Variants in SPTBN2 observed in about 807,000 individuals in gnomAD.
SPTBN2 encodes the protein spectrin beta, non-erythrocytic 2, also known as spectrin beta chain, non-erythrocytic 2.
SPTBN2 carries 107 observed loss-of-function variants against 284.2 expected under a neutral mutation model. That is an observed-to-expected ratio of 0.38 (90% CI 0.32 to 0.44). SPTBN2 has a LOEUF of 0.44. Among genes scored for constraint, SPTBN2 ranks in the 20% least tolerant of loss-of-function variants. The pLI is 1.00. For synonymous variants in SPTBN2, 1,289 were observed against 1,354.8 expected, an observed-to-expected ratio of 0.95 and a Z score of 1.07; for missense variants, 2,569 against 3,287.1, an observed-to-expected ratio of 0.78 and a Z score of 5.34.
upstream of SPTBN2, among the ~76,000 whole-genome samples, chr11:66,733,963 C>T (rs777360634): frequency 9.3e-5 from 12 of 129,364 alleles, no homozygotes; most frequent in Non-Finnish European, 1.7e-4. Flanking sequence ...CTGGCCTGGG[C>T]GACAGAGAGA....
Position 66,700,767 on chromosome 11 carries a change from CG to C in SPTBN2, c.3331del (p.Arg1111GlyfsTer21). 6.2e-7 allele frequency: 1 copy of C among 1,602,112 alleles called. No individual in the cohort carries two copies. On this transcript the variant is annotated frameshift_variant, in exon 17 of 38. Coordinates refer to ENST00000533211, the MANE Select transcript of SPTBN2 (RefSeq NM_006946.4). LOFTEE classifies it high-confidence loss of function. The surrounding 1 kb of genome is among the most constrained non-coding windows in gnomAD (Gnocchi z 6.6). ...GCTCTGGGCCCGCTCCACCTCTCCCCGCAGGGCTGCATGTTGGGCCAGGAGG... is the reference window on the plus strand; with the variant it reads ...GCTCTGGGCCCGCTCCACCTCTCCCCCAGGGCTGCATGTTGGGCCAGGAGG... ...EALLAQHAAL[R>X]GEVERAQSEY...
chr11:66,714,042 A>C, intron 7 of SPTBN2, 49 bp downstream of exon 7: 1 of 1,593,340 alleles, frequency 6.3e-7, no homozygotes, highest in South Asian at 1.1e-5. Flanking sequence ...ACCCCAGGTC[A>C]TTAGCCGACC....
Position 66,683,926 on chromosome 11 carries a change from A to G in SPTBN2, c.*1945T>C, listed in dbSNP as rs536550519. On this transcript the variant is annotated 3_prime_UTR_variant, in exon 38 of 38. Coordinates refer to ENST00000533211, the MANE Select transcript of SPTBN2 (RefSeq NM_006946.4). ...CTGTGTAGTGCTGATGGATTCTTCCACTTAGTCCCATGACAGATTGTTCTA... is the reference window on the plus strand; with the variant it reads ...CTGTGTAGTGCTGATGGATTCTTCCGCTTAGTCCCATGACAGATTGTTCTA... Among the ~76,000 whole-genome samples, 2 of 152,308 alleles carry G rather than the reference A, an allele frequency of 1.3e-5. No individual in the cohort carries two copies. The highest frequency in any genetic ancestry group is 4.8e-5 in the African/African-American group (2 of 41,582).
Position 66,701,263 on chromosome 11 carries a change from G to C in SPTBN2, c.2836C>G (p.Leu946Val). 6.2e-7 allele frequency: 1 copy of C among 1,612,660 alleles called. No homozygotes were observed. The highest frequency in any genetic ancestry group is 8.5e-7 in the Non-Finnish European group (1 of 1,180,024). Residue 946 changes from leucine (L) to valine (V), a missense_variant, in exon 17 of 38, where the codon CTG becomes GTG. Physicochemically the swap from Leu to Val is conservative, Grantham distance 32 (BLOSUM62 1). This residue lies in a region of SPTBN2 where 1,012 missense variants were observed against 1,248.9 expected (regional missense o/e 0.81). Coordinates refer to ENST00000533211, the MANE Select transcript of SPTBN2 (RefSeq NM_006946.4). ...AGAGCTGCCTTCTTGCCGTCTGCCAGACGCCGAAACTGCTGCCACCTGAGA... is the reference window on the plus strand; with the variant it reads ...AGAGCTGCCTTCTTGCCGTCTGCCACACGCCGAAACTGCTGCCACCTGAGA... ...LNHRWQQFRR[L>V]ADGKKAALTS...
At position 66,705,052 on chromosome 11, in the gene SPTBN2, G is replaced by C; in HGVS notation, c.2224C>G (p.Arg742Gly). Residue 742 changes from arginine (R) to glycine (G), a missense_variant, in exon 15 of 38, where the codon CGG (arginine) becomes GGG (glycine). Physicochemically the swap from Arg to Gly is moderately radical, Grantham distance 125. Coordinates refer to ENST00000533211, the MANE Select transcript of SPTBN2 (RefSeq NM_006946.4). ...TAGAGGCTGGCGGCTTGGGCCAGCC[G>C]CTGGGCACGCTCCTCGGCCAGGGCC... is the stretch of plus-strand genomic sequence containing the variant. ...LEALAEERAQRLAQAASLYQF... is the reference protein window; with the variant it reads ...LEALAEERAQGLAQAASLYQF... 6.3e-7 allele frequency: 1 copy of C among 1,596,420 alleles called. No individual in the cohort carries two copies. Among genetic ancestry groups the C allele is most frequent in the Non-Finnish European group, 8.5e-7 (1 of 1,178,222 alleles).
chr11:66,688,453 A>C, intron 31 of SPTBN2, 142 bp from the exon 32 acceptor site: 1 of 1,525,106 alleles, frequency 6.6e-7, no homozygotes, highest in Non-Finnish European at 8.8e-7. Context: ...TGGGGACAAG[A>C]AACAAAGCGG....
chr11:66,687,845 A>G lies in SPTBN2; in HGVS notation c.6501+23T>C. On this transcript the variant is annotated intron_variant, in intron 34 of 37. Transcript: ENST00000533211. This position sits in a 1 kb window ranked among gnomAD's most constrained non-coding sequence, Gnocchi z 5.2. ...GACCCTTCGCCTCACAGTTATCAAC[A>G]CCACACTTGCAGGGGAACTCACCGG... 1.2e-6 allele frequency: 2 copies of G among 1,613,774 alleles called. No individual in the cohort carries two copies. Among genetic ancestry groups the G allele is most frequent in the Non-Finnish European group, 1.7e-6 (2 of 1,179,906 alleles).
Position 66,738,209 on chromosome 11 carries a change from CG to C in SPTBN2, c.-475+6332del, listed in dbSNP as rs369842093. On this transcript the variant is annotated intron_variant, in intron 1 of 37. Transcript: ENST00000611817. Reference sequence around the variant, plus strand: ...CAGCTTGGGCAATAAGAGCAAAACTCGGTCTCAAAAAAACAAACAAACAAAA... The same window carrying C: ...CAGCTTGGGCAATAAGAGCAAAACTCGTCTCAAAAAAACAAACAAACAAAA... 8.1e-4 allele frequency among the ~76,000 whole-genome samples: 123 copies of C among 151,846 alleles called. 3 individuals carry two copies. The East Asian group carries it at 0.021, about 26-fold the overall frequency.
Position 66,693,633 on chromosome 11 carries a change from C to T in SPTBN2, c.4593+139G>A, listed in dbSNP as rs1310158823. The T allele has an allele frequency of 2.3e-6, 3 of 1,296,040 alleles. No individual in the cohort carries two copies. The highest frequency in any genetic ancestry group is 3.2e-6 in the Non-Finnish European group (3 of 928,386). 80.3% of individuals were successfully genotyped at this position (1,296,040 alleles called of 1,614,324 possible). Reference sequence around the variant, plus strand: ...ACTATCTCCTACTGAGAGGACCCACCCTCCCAAGGTGAGGAAAGACAGCCA... The same window carrying T: ...ACTATCTCCTACTGAGAGGACCCACTCTCCCAAGGTGAGGAAAGACAGCCA... On this transcript the variant is annotated intron_variant, in intron 23 of 37. Coordinates refer to ENST00000533211, the MANE Select transcript of SPTBN2 (RefSeq NM_006946.4). This position sits in a 1 kb window ranked among gnomAD's most constrained non-coding sequence, Gnocchi z 5.7.
At chr11:66,692,840 C>T (rs952276207) in intron 25 of SPTBN2, 100 bp from the exon 26 acceptor site, 10 of 1,594,686 alleles carry the variant, frequency 6.3e-6, no homozygotes, top group African/African-American at 4.0e-5. Flanking sequence ...CCCAACAGCT[C>T]GCCCACCCTG....
chr11:66,688,014 T>C lies in SPTBN2; in HGVS notation c.6440A>G (p.Glu2147Gly). ...GGACAGTGGGGTCACCTGTGAGGGC[T>C]CTCCATCTGTGCAGACTCCATTAAC... ...PSVNGVCTDG[E>G]PSQPLLGQQR... Residue 2147 changes from glutamate to glycine, a missense_variant, in exon 33 of 38, where the codon GAG becomes GGG. Physicochemically the swap from Glu to Gly is moderately conservative, Grantham distance 98. This residue lies in a region of SPTBN2 where 1,130 missense variants were observed against 1,317.3 expected (regional missense o/e 0.86). Transcript: ENST00000533211. 6.2e-7 allele frequency: 1 copy of C among 1,614,186 alleles called. No homozygotes were observed. The highest frequency in any genetic ancestry group is 8.5e-7 in the Non-Finnish European group (1 of 1,180,032).
intron 1 of SPTBN2, among the ~76,000 whole-genome samples, chr11:66,727,215 C>T (rs1942649031): frequency 6.6e-6 from 1 of 152,176 alleles, no homozygotes; most frequent in Non-Finnish European, 1.5e-5. Context: ...GAGGTTGCCC[C>T]ACACCTCAAG....
Position 66,691,314 on chromosome 11 carries a change from G to A in SPTBN2, c.5535C>T (p.Tyr1845=), listed in dbSNP as rs754478833. 11 of 1,545,080 alleles carry A rather than the reference G, an allele frequency of 7.1e-6. No individual in the cohort carries two copies. Among genetic ancestry groups the A allele is most frequent in the African/African-American group, 1.4e-5 (1 of 73,630 alleles). The change falls in exon 27 of 38, where the codon TAC becomes TAT. Residue 1845 remains tyrosine (Y), a synonymous_variant. Coordinates refer to ENST00000533211, the MANE Select transcript of SPTBN2 (RefSeq NM_006946.4). This position sits in a 1 kb window ranked among gnomAD's most constrained non-coding sequence, Gnocchi z 8.0. Reference sequence around the variant, plus strand: ...GGCTGAGGGCCTGAATGTCATGCTCGTAGGCACAGTGTCGGCGCTGCAGGG... The same window carrying A: ...GGCTGAGGGCCTGAATGTCATGCTCATAGGCACAGTGTCGGCGCTGCAGGG... ...AEALQRRHCA[Y]EHDIQALSPQ...
Position 66,685,813 on chromosome 11 carries a change from C to T in SPTBN2, c.*58G>A, listed in dbSNP as rs1940066828. On this transcript the variant is annotated 3_prime_UTR_variant, in exon 38 of 38. Transcript: ENST00000533211. The surrounding 1 kb of genome is among the most constrained non-coding windows in gnomAD (Gnocchi z 4.4). ...CTGACAAGAGGGCGGTCCCTGTCGA[C>T]TGTCCCTGGCAGTTTCCTGAACGGA... The T allele has an allele frequency of 1.9e-6, 3 of 1,549,840 alleles. No individual in the cohort carries two copies. The highest frequency in any genetic ancestry group is 2.2e-5 in the South Asian group (2 of 89,282).
At chr11:66,689,685 TGAGGG>T in intron 29 of SPTBN2, 115 bp downstream of exon 29, 1 of 1,475,614 alleles carries the variant, frequency 6.8e-7, no homozygotes, top group Non-Finnish European at 9.4e-7. Context: ...TGAATGGCAC[TGAGGG>T]GAGAGAATGA....
upstream of SPTBN2, among the ~76,000 whole-genome samples, chr11:66,732,981 C>CAAAA (rs57325257): frequency 8.4e-6 from 1 of 118,820 alleles, no homozygotes; most frequent in Non-Finnish European, 1.8e-5. Context: ...ACCAACCAAC[C>CAAAA]AAAAAAAAAA....
chr11:66,728,235 C>T (rs1942703150), intron 1 of SPTBN2: 1 of 145,584 alleles, frequency 6.9e-6, no homozygotes, highest in Admixed American at 6.8e-5. Context: ...GCGCCTGCAG[C>T]CCGGCCGCGA....
Position 66,700,568 on chromosome 11 carries a change from G to T in SPTBN2, c.3531C>A (p.Phe1177Leu). 6.2e-7 allele frequency: 1 copy of T among 1,607,118 alleles called. No individual in the cohort carries two copies. The highest frequency in any genetic ancestry group is 8.5e-7 in the Non-Finnish European group (1 of 1,180,002). The change falls in exon 17 of 38, where the codon TTC (phenylalanine) becomes TTA (leucine). Residue 1177 changes from phenylalanine (F) to leucine (L), a missense_variant. Phe to Leu is a conservative substitution (Grantham distance 22). Coordinates refer to ENST00000533211, the MANE Select transcript of SPTBN2 (RefSeq NM_006946.4). This position sits in a 1 kb window ranked among gnomAD's most constrained non-coding sequence, Gnocchi z 6.6. ...RLAQAHGFQG[F>L]LRDARQAEGV... ...CCTCAGCCTGACGAGCATCCCGCAGGAATCCCTGGAAGCCGTGGGCCTGGG... is the reference window on the plus strand; with the variant it reads ...CCTCAGCCTGACGAGCATCCCGCAGTAATCCCTGGAAGCCGTGGGCCTGGG...
Position 66,705,522 on chromosome 11 carries a change from C to T in SPTBN2, c.1808-54G>A, listed in dbSNP as rs182368209. 135 of 1,610,590 alleles carry T rather than the reference C, an allele frequency of 8.4e-5. 1 individual carries two copies. The East Asian group carries it at 9.4e-4, about 11-fold the overall frequency. ...CCTTAACCCAGCCCTCCGGCTGCTC[C>T]CTGCCACCACACTCTCTTGGACTTC... On this transcript the variant is annotated intron_variant, in intron 14 of 37. Coordinates refer to ENST00000533211, the MANE Select transcript of SPTBN2 (RefSeq NM_006946.4).
Sources: allele counts gnomAD v4.1 joint callset (sites outside exome capture counted in the v4.1 genomes callset), GRCh38; gene constraint gnomAD v4.1.1; regional missense constraint gnomAD v4.1.1; non-coding constraint Gnocchi (gnomAD v3.1); transcripts MANE v1.5; gene names NCBI Gene and HGNC (gene_info 2026-07-23, HGNC 2026-07-21).